Variants in KCNT2 observed in about 807,000 individuals in gnomAD.
The protein encoded by KCNT2 is potassium channel subfamily T member 2.
A neutral mutation model predicts 153.8 loss-of-function variants in KCNT2; 67 were observed. The ratio of observed to expected loss-of-function variants is 0.44; its 90% confidence interval spans 0.36 to 0.53. The LOEUF (loss-of-function observed/expected upper bound fraction) is 0.53. KCNT2 is among the 20% of genes least tolerant of loss of function. The probability of loss-of-function intolerance (pLI) is 0.00; values close to 1 mark genes in which losing one functional copy is unlikely to be tolerated. For missense variants in KCNT2, 975 were observed against 1,354.8 expected, an observed-to-expected ratio of 0.72 and a Z score of 4.40; for synonymous variants, 500 against 458.8, an observed-to-expected ratio of 1.09 and a Z score of -1.15.
intron 24 of KCNT2, 60 bp downstream of exon 24, chr1:196,282,213 T>C: frequency 2.3e-6 from 2 of 874,108 alleles, no homozygotes; most frequent in Non-Finnish European, 1.9e-6. Context: ...AAGTACACGG[T>C]AGATAGATTT....
At chr1:196,537,797 A>T (rs1459543929) in intron 1 of KCNT2, among the ~76,000 whole-genome samples, 3 of 152,096 alleles carry the variant, frequency 2.0e-5, no homozygotes, top group Non-Finnish European at 4.4e-5. Flanking sequence ...AATCAAATGT[A>T]TCCATATCTG....
chr1:196,321,751 C>T (rs1663335934), intron 19 of KCNT2, among the ~76,000 whole-genome samples: 1 of 151,704 alleles, frequency 6.6e-6, no homozygotes, highest in Admixed American at 6.6e-5. Context: ...TTTAATTTAG[C>T]ATAATAGATA....
intron 8 of KCNT2, among the ~76,000 whole-genome samples, chr1:196,435,246 C>T (rs1483358007): frequency 6.9e-6 from 1 of 145,636 alleles, no homozygotes; most frequent in Non-Finnish European, 1.5e-5. Flanking sequence ...TCATTTATCT[C>T]ACCTTCACTA....
At chr1:196,261,961 C>T (rs2147792884) in intron 25 of KCNT2, among the ~76,000 whole-genome samples, 1 of 151,924 alleles carries the variant, frequency 6.6e-6, no homozygotes, top group South Asian at 2.1e-4. Context: ...ACTACTCCAA[C>T]AATTTCCATA....
rs370654788 is a variant in KCNT2, at chr1:196,331,183, T to C, written c.2076A>G (p.Val692=). 32 of 1,606,502 alleles carry C rather than the reference T, an allele frequency of 2.0e-5. No homozygotes were observed. The highest frequency in any genetic ancestry group is 2.6e-5 in the Non-Finnish European group (30 of 1,173,554). ...PTFCHLLHEK[V]PFCCLRLDKS... is the part of the protein sequence containing the mutation. The stretch of plus-strand genomic sequence containing the variant: ...TGTCTAATCTTAAGCAGCAAAATGG[T>C]ACTTTTTCATGAAGGAGATGACAAA... The change falls in exon 18 of 28, where the codon GTA becomes GTG. Residue 692 remains valine, a synonymous_variant. Transcript: ENST00000294725.
intron 26 of KCNT2, chr1:196,257,944 TA>T: frequency 1.8e-6 from 2 of 1,124,422 alleles, no homozygotes; most frequent in Non-Finnish European, 2.2e-6. Context: ...TTGTGAAAAT[TA>T]AAATTAAGAT....
At chr1:196,471,416 T>C (rs184237173) in intron 5 of KCNT2, among the ~76,000 whole-genome samples, 1 of 151,626 alleles carries the variant, frequency 6.6e-6, no homozygotes, top group Non-Finnish European at 1.5e-5. Context: ...TTATGCCATG[T>C]TTTTTTTTAA....
chr1:196,500,883 A>G (rs1308935548), intron 1 of KCNT2, among the ~76,000 whole-genome samples: 1 of 152,214 alleles, frequency 6.6e-6, no homozygotes, highest in East Asian at 1.9e-4. Flanking sequence ...AAAAGTGTGC[A>G]AAGGATATGA....
At chr1:196,382,513 A>G (rs985323676) in intron 13 of KCNT2, among the ~76,000 whole-genome samples, 4 of 152,142 alleles carry the variant, frequency 2.6e-5, no homozygotes, top group Admixed American at 2.0e-4. Context: ...AGAAACGGAA[A>G]TGTTTACACA....
chr1:196,598,972 A>G (rs1376641938), intron 1 of KCNT2, among the ~76,000 whole-genome samples: 1 of 152,378 alleles, frequency 6.6e-6, no homozygotes, highest in East Asian at 1.9e-4. Context: ...GAAATAGCAC[A>G]TAAACTCTTT....
At chr1:196,489,735 C>G (rs1226822555) in intron 3 of KCNT2, 103 bp downstream of exon 3, 1 of 660,588 alleles carries the variant, frequency 1.5e-6, no homozygotes, top group African/African-American at 1.9e-5. Flanking sequence ...ACCTAAAATA[C>G]CCTTAAAAAT....
intron 27 of KCNT2, among the ~76,000 whole-genome samples, chr1:196,235,127 T>C (rs1176416224): frequency 6.6e-6 from 1 of 151,412 alleles, no homozygotes; most frequent in Admixed American, 6.6e-5. Flanking sequence ...ATATAATTTA[T>C]TTTTCCAGTA....
chr1:196,489,791 A>G (rs748401610), intron 3 of KCNT2, 47 bp downstream of exon 3: 2 of 1,029,596 alleles, frequency 1.9e-6, no homozygotes, highest in Non-Finnish European at 3.0e-6. Context: ...GATACAACTC[A>G]AAATAATCAA....
At chr1:196,346,070 A>G (rs1228242443) in intron 14 of KCNT2, among the ~76,000 whole-genome samples, 1 of 152,160 alleles carries the variant, frequency 6.6e-6, no homozygotes, top group Non-Finnish European at 1.5e-5. Flanking sequence ...ATGGGTGTTC[A>G]TAATAATATT....
At chr1:196,398,079 T>C (rs1671100241) in intron 13 of KCNT2, among the ~76,000 whole-genome samples, 1 of 151,512 alleles carries the variant, frequency 6.6e-6, no homozygotes, top group Non-Finnish European at 1.5e-5. Context: ...ATCTTTTTCT[T>C]GAATTCTTTT....
intron 8 of KCNT2, among the ~76,000 whole-genome samples, chr1:196,459,778 G>C (rs1676988618): frequency 6.6e-6 from 1 of 151,770 alleles, no homozygotes; most frequent in African/African-American, 2.4e-5. Flanking sequence ...GCTAAACTTT[G>C]CCTCAACGTA....
chr1:196,333,767 T>C, intron 17 of KCNT2, 80 bp downstream of exon 17: 1 of 792,174 alleles, frequency 1.3e-6, no homozygotes, highest in South Asian at 1.5e-5. Flanking sequence ...CCTTACCTAT[T>C]GGGAAGGTAT....
intron 13 of KCNT2, among the ~76,000 whole-genome samples, chr1:196,392,079 C>T (rs1337337685): frequency 6.6e-6 from 1 of 151,036 alleles, no homozygotes; most frequent in Non-Finnish European, 1.5e-5. Flanking sequence ...AAGAGAGCTC[C>T]GCTGATATAA....
At chr1:196,327,184 C>T (rs1056107704) in intron 18 of KCNT2, among the ~76,000 whole-genome samples, 3 of 151,902 alleles carry the variant, frequency 2.0e-5, no homozygotes, top group Admixed American at 6.6e-5. Context: ...AGAAGACATC[C>T]AGGTATACAC....
Sources: gnomAD v4.1 joint callset for allele counts (sites outside exome capture counted in the v4.1 genomes callset) on GRCh38, gnomAD v4.1.1 for gene constraint, MANE v1.5 for transcripts, NCBI Gene and HGNC (gene_info 2026-07-23, HGNC 2026-07-21) for gene names.